Variants in RIF1 observed in about 807,000 individuals in gnomAD.
The protein encoded by RIF1 is telomere-associated protein RIF1.
RIF1 carries 45 observed loss-of-function variants against 247.1 expected under a neutral mutation model. The ratio of observed to expected loss-of-function variants is 0.18; its 90% CI spans 0.14 to 0.23. The LOEUF (loss-of-function observed/expected upper bound fraction) is 0.23. RIF1 is among the 10% of genes least tolerant of loss of function. RIF1 has a pLI of 1.00. For synonymous variants in RIF1, 1,087 were observed against 978.8 expected, an observed-to-expected ratio of 1.11 and a Z score of -2.06; for missense variants, 2,967 against 2,862.5, an observed-to-expected ratio of 1.04 and a Z score of -0.83.
chr2:151,435,530 G>A lies in RIF1; in HGVS notation c.1145G>A (p.Cys382Tyr), dbSNP rs1246914349. 9 of 1,612,314 alleles carry A rather than the reference G, an allele frequency of 5.6e-6. No homozygotes were observed. Among genetic ancestry groups the A allele is most frequent in the Non-Finnish European group, 7.6e-6 (9 of 1,178,502 alleles). The change falls in exon 11 of 36, where the codon TGT becomes TAT. Residue 382 changes from cysteine to tyrosine, a missense_variant. By Grantham distance (194) the Cys-to-Tyr change is radical. This residue lies in a region of RIF1 where 369 missense variants were observed against 322.0 expected (regional missense o/e 1.15). Transcript: ENST00000444746. ...AATGCCTCACCTCAGGGCAATTCGT[G>A]TCATGTAGCTACATCTCCAGGTTTA... is the stretch of plus-strand genomic sequence containing the variant. ...DSNASPQGNS[C>Y]HVATSPGLNP...
chr2:151,484,413 T>C (rs992038154), downstream of RIF1, among the ~76,000 whole-genome samples: 1 of 152,196 alleles, frequency 6.6e-6, no homozygotes, highest in South Asian at 2.1e-4. Context: ...CTGGCCAATA[T>C]GGCAAAACCC....
At chr2:151,513,746 A>G in the RIF1 span, 2 of 1,213,160 alleles carry the variant, frequency 1.6e-6, no homozygotes, top group East Asian at 2.5e-5. Context: ...ACTACTAGGT[A>G]ATAAACATAC....
chr2:151,518,339 C>T, the RIF1 span: 3 of 1,608,498 alleles, frequency 1.9e-6, no homozygotes, highest in Non-Finnish European at 2.6e-6. Context: ...ATTCTGTGGC[C>T]TCTTTTAGGT....
chr2:151,460,920 A>G (rs1361151707), intron 26 of RIF1, among the ~76,000 whole-genome samples: 1 of 152,180 alleles, frequency 6.6e-6, no homozygotes, highest in Non-Finnish European at 1.5e-5. Flanking sequence ...AGACTTCCCT[A>G]CTTCGTAAAG....
intron 20 of RIF1, among the ~76,000 whole-genome samples, chr2:151,449,972 G>T (rs1694002865): frequency 6.6e-6 from 1 of 151,804 alleles, no homozygotes; most frequent in Non-Finnish European, 1.5e-5. Flanking sequence ...CTCCCTAGTA[G>T]CTGGGATTAA....
rs753510639 is a variant in RIF1 at position 151,454,888 on chromosome 2, T to G, written c.2345-7T>G. 3.2e-6 allele frequency: 5 copies of G among 1,550,274 alleles called. No individual in the cohort carries two copies. The highest frequency in any genetic ancestry group is 4.3e-6 in the Non-Finnish European group (5 of 1,151,590). ...GAGTTTTTAATTAATTCAGTTTTTG[T>G]TTTTAGCACCACAGAGACCTTCAGA... On this transcript the variant is annotated splice_polypyrimidine_tract_variant and splice_region_variant and intron_variant, in intron 21 of 35. Transcript: ENST00000444746.
At chr2:151,448,612 C>T (rs1693729562) in intron 20 of RIF1, among the ~76,000 whole-genome samples, 2 of 152,212 alleles carry the variant, frequency 1.3e-5, no homozygotes, top group Admixed American at 1.3e-4. Flanking sequence ...GCTCCTTACA[C>T]TACCCATGAG....
At chr2:151,453,168 CT>C (rs1694618146) in intron 21 of RIF1, among the ~76,000 whole-genome samples, 1 of 152,138 alleles carries the variant, frequency 6.6e-6, no homozygotes, top group South Asian at 2.1e-4. Flanking sequence ...CTGCTCCCCC[CT>C]CCCCCCAGAA....
At chr2:151,483,992 G>GATTATAATACCTAATATAATGTA (rs1460104706), downstream of RIF1, among the ~76,000 whole-genome samples, 1 of 152,134 alleles carries the variant, frequency 6.6e-6, no homozygotes, top group Non-Finnish European at 1.5e-5. Context: ...ATCATCTCTT[G>GATTATAATACCTAATATAATGTA]ATTATAATAC....
chr2:151,444,977 A>G (rs538425937), intron 18 of RIF1, among the ~76,000 whole-genome samples: 1 of 152,278 alleles, frequency 6.6e-6, no homozygotes, highest in East Asian at 1.9e-4. Context: ...CATGCCTCTC[A>G]GCTTCTGGTG....
chr2:151,410,408 C>T lies in RIF1; in HGVS notation c.-10-6C>T. ...GGATTTTCTCCTCTTCCGGTTCGGGCCTCAGGGTGGCCGACATGACGGCCA... is the reference window on the plus strand; with the variant it reads ...GGATTTTCTCCTCTTCCGGTTCGGGTCTCAGGGTGGCCGACATGACGGCCA... On this transcript the variant is annotated splice_polypyrimidine_tract_variant and splice_region_variant and intron_variant, in intron 1 of 35. Coordinates refer to ENST00000444746, the MANE Select transcript of RIF1 (RefSeq NM_018151.5). 6.2e-7 allele frequency: 1 copy of T among 1,610,282 alleles called. No individual in the cohort carries two copies. Among genetic ancestry groups the T allele is most frequent in the Non-Finnish European group, 8.5e-7 (1 of 1,177,826 alleles).
At chr2:151,494,758 T>C (rs1259814050) in intron 9 of RIF1, among the ~76,000 whole-genome samples, 2 of 152,082 alleles carry the variant, frequency 1.3e-5, no homozygotes, top group South Asian at 2.1e-4. Flanking sequence ...AAGTGATTCT[T>C]CTGCCTCAGC....
At chr2:151,434,223 A>G (rs994366207) in intron 10 of RIF1, among the ~76,000 whole-genome samples, 2 of 151,404 alleles carry the variant, frequency 1.3e-5, no homozygotes, top group African/African-American at 4.8e-5. Flanking sequence ...ACAAGGTTGG[A>G]CCAGTTCTTG....
the RIF1 span, chr2:151,534,145 C>A: frequency 9.1e-7 from 1 of 1,096,158 alleles, no homozygotes; most frequent in African/African-American, 1.5e-5. Flanking sequence ...TTGCAGCAGA[C>A]GGGATGACAT....
chr2:151,455,348 C>CT (rs2152457854), intron 22 of RIF1, among the ~76,000 whole-genome samples, 189 bp downstream of exon 22: 1 of 152,270 alleles, frequency 6.6e-6, no homozygotes, highest in Non-Finnish European at 1.5e-5. Context: ...AATTGGAAGT[C>CT]TATTTTGCCT....
In RIF1 at chr2:151,469,765, T is replaced by C; in HGVS notation, c.6996T>C (p.Asp2332=). The change falls in exon 34 of 36, where the codon GAT becomes GAC. Residue 2332 remains aspartate (D), a synonymous_variant. Transcript: ENST00000444746. ...IRAKNIKTIG[D]LSTLTASEIK... ...CTAAGAATATAAAAACTATTGGTGA[T>C]TTGAGTACTCTTACAGCATCTGAAA... 1 of 1,610,280 alleles carries C rather than the reference T, an allele frequency of 6.2e-7. No homozygotes were observed. Among genetic ancestry groups the C allele is most frequent in the Non-Finnish European group, 8.5e-7 (1 of 1,177,622 alleles).
intron 27 of RIF1, 56 bp from the exon 28 acceptor site, chr2:151,462,179 TTAATTTC>T (rs1696289409): frequency 1.4e-5 from 17 of 1,226,678 alleles, no homozygotes; most frequent in Non-Finnish European, 2.0e-5. Context: ...GGCCATAAGT[TTAATTTC>T]TAATTGTAAG....
rs972681353 is a variant in RIF1 at position 151,468,669 on chromosome 2, C to G, written c.6854C>G (p.Pro2285Arg). The change falls in exon 33 of 36, where the codon CCA (proline) becomes CGA (arginine). Residue 2285 changes from proline (P) to arginine (R), a missense_variant. Pro to Arg is a moderately radical substitution (Grantham distance 103). Around this residue, in one of 7 missense-constraint regions of RIF1, gnomAD observed 2,028 missense variants for 1,825.6 expected, o/e 1.11. Coordinates refer to ENST00000444746, the MANE Select transcript of RIF1 (RefSeq NM_018151.5). Reference sequence around the variant, plus strand: ...TCAGAAATGGCCAAAGAATCCATACCATGCCCAACAGAAAGTGTTTACCCA... The same window carrying G: ...TCAGAAATGGCCAAAGAATCCATACGATGCCCAACAGAAAGTGTTTACCCA... ...LISEMAKESI[P>R]CPTESVYPPL... 1.2e-6 allele frequency: 2 copies of G among 1,613,960 alleles called. No individual in the cohort carries two copies. Among genetic ancestry groups the G allele is most frequent in the Non-Finnish European group, 1.7e-6 (2 of 1,179,862 alleles).
At chr2:151,519,967 A>G in the RIF1 span, 1 of 439,776 alleles carries the variant, frequency 2.3e-6, no homozygotes, top group Non-Finnish European at 4.0e-6. Flanking sequence ...ATTCAAATAT[A>G]TGATCACTGG....
Sources: allele counts gnomAD v4.1 joint callset (sites outside exome capture counted in the v4.1 genomes callset), GRCh38; gene constraint gnomAD v4.1.1; regional missense constraint gnomAD v4.1.1; transcripts MANE v1.5; gene names NCBI Gene and HGNC (gene_info 2026-07-23, HGNC 2026-07-21).